Variants in MACROD2 observed in about 807,000 individuals in gnomAD.
MACROD2 encodes the protein mono-ADP ribosylhydrolase 2, also known as ADP-ribose glycohydrolase MACROD2.
MACROD2 carries 36 observed loss-of-function variants against 70.4 expected under a neutral mutation model. The ratio of observed to expected loss-of-function variants is 0.51; its 90% CI spans 0.39 to 0.68. The LOEUF is 0.68. Among genes scored for constraint, MACROD2 ranks in the 30% least tolerant of loss-of-function variants. The probability of loss-of-function intolerance (pLI) is 0.00; values close to 1 mark genes in which losing one functional copy is unlikely to be tolerated. For missense variants in MACROD2, 496 were observed against 538.4 expected (o/e 0.92, Z 0.78); for synonymous variants, 172 against 178.8 (o/e 0.96, Z 0.30).
intron 9 of MACROD2, among the ~76,000 whole-genome samples, chr20:15,873,803 A>G (rs897537018): frequency 6.6e-6 from 1 of 152,170 alleles, no homozygotes; most frequent in African/African-American, 2.4e-5. Flanking sequence ...GGTTAAACCA[A>G]AAACTCAAAA....
At chr20:14,997,792 TCCCAGTA>T (rs2074962553) in intron 5 of MACROD2, among the ~76,000 whole-genome samples, 1 of 151,858 alleles carries the variant, frequency 6.6e-6, no homozygotes, top group Non-Finnish European at 1.5e-5. Context: ...CCTGGGCAAG[TCCCAGTA>T]CTGTGCTGGC....
chr20:15,556,365 A>T (rs1163140561), intron 8 of MACROD2, among the ~76,000 whole-genome samples: 1 of 152,144 alleles, frequency 6.6e-6, no homozygotes, highest in Non-Finnish European at 1.5e-5. Context: ...GGATCTCTTG[A>T]TTTATACTAA....
At chr20:15,853,866 C>T (rs1037545216) in intron 8 of MACROD2, among the ~76,000 whole-genome samples, 2 of 152,110 alleles carry the variant, frequency 1.3e-5, no homozygotes, top group South Asian at 2.1e-4. Flanking sequence ...AAGGCACTAA[C>T]CCCCAGAGGT....
At chr20:14,958,025 G>T (rs1217416158) in intron 5 of MACROD2, among the ~76,000 whole-genome samples, 1 of 152,076 alleles carries the variant, frequency 6.6e-6, no homozygotes, top group Non-Finnish European at 1.5e-5. Flanking sequence ...CTTGTCTAGT[G>T]CTATTTGCAA....
At position 14,891,459 on chromosome 20, in the gene MACROD2, G is replaced by A. The variant is rs144186904; in HGVS notation, c.418+206500G>A. Among the ~76,000 whole-genome samples the A allele has an allele frequency of 4.1e-3, 627 of 152,198 alleles. 6 individuals carry two copies. Among genetic ancestry groups the A allele is most frequent in the Non-Finnish European group, 6.5e-3 (442 of 67,990 alleles). ...TTACATTGTCTGTTATGTATGCATG[G>A]CTTCCCTAACAAGATAATAAATTCT... is the stretch of plus-strand genomic sequence containing the variant. On this transcript the variant is annotated intron_variant, in intron 5 of 17. Transcript: ENST00000684519.
chr20:15,407,483 G>A lies in MACROD2; in HGVS notation c.541-23922G>A, dbSNP rs552046408. Among the ~76,000 whole-genome samples the A allele has an allele frequency of 6.6e-5, 10 of 152,314 alleles. No individual in the cohort carries two copies. The South Asian group carries it at 1.7e-3, about 25-fold the overall frequency. The stretch of plus-strand genomic sequence containing the variant: ...TTCCAAAATCCTAGTCTCAATGTCT[G>A]GTTTTGGGGATCCCAACTTGAGAAG... On this transcript the variant is annotated intron_variant, in intron 6 of 17. Coordinates refer to ENST00000684519, the MANE Select transcript of MACROD2 (RefSeq NM_001351661.2).
At chr20:15,378,387 G>A (rs2045594843) in intron 6 of MACROD2, among the ~76,000 whole-genome samples, 1 of 151,964 alleles carries the variant, frequency 6.6e-6, no homozygotes, top group African/African-American at 2.4e-5. Context: ...ATACTGTGCT[G>A]GAATGGTGGG....
chr20:14,855,841 T>C (rs1181520491), intron 5 of MACROD2, among the ~76,000 whole-genome samples: 1 of 152,066 alleles, frequency 6.6e-6, no homozygotes, highest in African/African-American at 2.4e-5. Context: ...AGATTAGTTG[T>C]AGGCATCTAA....
intron 3 of MACROD2, among the ~76,000 whole-genome samples, chr20:14,333,355 AT>A (rs758799932): frequency 1.3e-5 from 2 of 152,190 alleles, no homozygotes; most frequent in Non-Finnish European, 2.9e-5. Context: ...GTAAAGTTAA[AT>A]CAAGCATCCT....
At chr20:15,601,192 G>T (rs1249305236) in intron 8 of MACROD2, among the ~76,000 whole-genome samples, 1 of 152,170 alleles carries the variant, frequency 6.6e-6, no homozygotes, top group Non-Finnish European at 1.5e-5. Flanking sequence ...TGGGGTTCCA[G>T]TTGTCAGCCC....
chr20:16,051,454 A>AGC lies in MACROD2; in HGVS notation c.*1578_*1579insGC, dbSNP rs2067457266. Reference sequence around the variant, plus strand: ...TATTTGATATACTGGAATAGTTAACAAGCTATACTTCAGCATATGCACTAT... The same window carrying AGC: ...TATTTGATATACTGGAATAGTTAACAGCAGCTATACTTCAGCATATGCACTAT... On this transcript the variant is annotated 3_prime_UTR_variant, in exon 18 of 18. Transcript: ENST00000684519. 5 of 152,188 alleles carry AGC rather than the reference A, an allele frequency of 3.3e-5. No homozygotes were observed. Among genetic ancestry groups the AGC allele is most frequent in the African/African-American group, 7.2e-5 (3 of 41,448 alleles). 9.4% of individuals were successfully genotyped at this position (152,188 alleles called of 1,614,324 possible).
At chr20:15,476,854 T>C (rs990412845) in intron 7 of MACROD2, among the ~76,000 whole-genome samples, 5 of 152,186 alleles carry the variant, frequency 3.3e-5, no homozygotes, top group African/African-American at 4.8e-5. Flanking sequence ...ATAAATGTGT[T>C]TGATTTCAAG....
intron 13 of MACROD2, among the ~76,000 whole-genome samples, chr20:15,975,972 G>A (rs2066300465): frequency 6.6e-6 from 1 of 152,136 alleles, no homozygotes; most frequent in Non-Finnish European, 1.5e-5. Context: ...TAAAAGTACA[G>A]TTTTGAATAT....
At chr20:14,190,698 ATT>A (rs1161419446) in intron 3 of MACROD2, among the ~76,000 whole-genome samples, 34 of 28,056 alleles carry the variant, frequency 1.2e-3, no homozygotes, top group African/African-American at 3.2e-3. Context: ...ATATATATAT[ATT>A]TTTTTTTTTT....
At chr20:14,528,108 AC>A (rs1487202340) in intron 4 of MACROD2, among the ~76,000 whole-genome samples, 1 of 144,398 alleles carries the variant, frequency 6.9e-6, no homozygotes, top group African/African-American at 2.5e-5. Flanking sequence ...CCCACTGTCT[AC>A]ACTTTTTTTT....
At chr20:14,148,203 C>T (rs2054967430) in intron 3 of MACROD2, among the ~76,000 whole-genome samples, 1 of 152,104 alleles carries the variant, frequency 6.6e-6, no homozygotes, top group Non-Finnish European at 1.5e-5. Context: ...GGATTATCTA[C>T]CCTTTGTTTA....
chr20:14,804,426 A>T (rs80326499), intron 5 of MACROD2, among the ~76,000 whole-genome samples: 3,276 of 152,138 alleles, frequency 0.022, 124 homozygotes, highest in African/African-American at 0.074. Context: ...CAGCATCTAG[A>T]CAAATAGCAT....
chr20:14,551,201 G>A (rs994939316), intron 4 of MACROD2, among the ~76,000 whole-genome samples: 1 of 152,068 alleles, frequency 6.6e-6, no homozygotes, highest in African/African-American at 2.4e-5. Flanking sequence ...GATTTAATTT[G>A]TCCTAGGAAT....
intron 8 of MACROD2, among the ~76,000 whole-genome samples, chr20:15,718,738 T>C (rs2050741931): frequency 6.6e-6 from 1 of 152,216 alleles, no homozygotes. Context: ...GATCCATGAC[T>C]TACGGGGGAA....
Sources: gnomAD v4.1 joint callset for allele counts (sites outside exome capture counted in the v4.1 genomes callset) on GRCh38, gnomAD v4.1.1 for gene constraint, MANE v1.5 for transcripts, NCBI Gene and HGNC (gene_info 2026-07-23, HGNC 2026-07-21) for gene names.